SGCD: variants seen among roughly 807,000 people sequenced by gnomAD.
SGCD encodes the protein sarcoglycan delta.
SGCD carries 18 observed loss-of-function variants against 36.6 expected under a neutral mutation model. The ratio of observed to expected loss-of-function variants is 0.49; its 90% CI spans 0.34 to 0.73. SGCD has a LOEUF of 0.73. Among genes scored for constraint, SGCD ranks in the 30% least tolerant of loss-of-function variants. The probability of loss-of-function intolerance (pLI) is 0.01; values close to 1 mark genes in which losing one functional copy is unlikely to be tolerated. For synonymous variants in SGCD, 133 were observed against 130.6 expected, an observed-to-expected ratio of 1.02 and a Z score of -0.12; for missense variants, 387 against 346.7, an observed-to-expected ratio of 1.12 and a Z score of -0.92.
At chr5:156,515,231 T>C (rs532148621) in intron 4 of SGCD, among the ~76,000 whole-genome samples, 56 of 149,960 alleles carry the variant, frequency 3.7e-4, no homozygotes, top group South Asian at 1.1e-3. Context: ...TGAAAAAAAA[T>C]AGCTTCATGA....
rs1771353861 is a variant in SGCD, at chr5:156,387,850, C to A, written c.192+43173C>A. Among the ~76,000 whole-genome samples, 3 of 152,122 alleles carry A rather than the reference C, an allele frequency of 2.0e-5. No individual in the cohort carries two copies. In the South Asian group the frequency reaches 6.2e-4, roughly 32 times the overall value. Reference sequence around the variant, plus strand: ...CAAGACGGTGCAGGACATTAGTTTCCCTATGGCCACGTTCGTATTATAGCC... The same window carrying A: ...CAAGACGGTGCAGGACATTAGTTTCACTATGGCCACGTTCGTATTATAGCC... On this transcript the variant is annotated intron_variant, in intron 3 of 8. Coordinates refer to ENST00000337851, the MANE Select transcript of SGCD (RefSeq NM_000337.6).
intron 1 of SGCD, among the ~76,000 whole-genome samples, chr5:155,927,907 T>G (rs570903425): frequency 2.0e-5 from 3 of 152,326 alleles, no homozygotes; most frequent in African/African-American, 7.2e-5. Context: ...TTCTTAACAC[T>G]TTTTTGAATA....
At chr5:155,822,868 T>A in the SGCD span, among the ~76,000 whole-genome samples, 1 of 152,126 alleles carries the variant, frequency 6.6e-6, no homozygotes, top group African/African-American at 2.4e-5. Context: ...TTGCCTCTCA[T>A]TTTTTGTTTT....
At chr5:156,057,637 A>G (rs1240240244) in intron 1 of SGCD, among the ~76,000 whole-genome samples, 2 of 146,280 alleles carry the variant, frequency 1.4e-5, no homozygotes, top group African/African-American at 4.9e-5. Context: ...GCATGAACTG[A>G]AAGGGACCAT....
chr5:155,838,898 CTCAA>C, the SGCD span, among the ~76,000 whole-genome samples: 1 of 151,788 alleles, frequency 6.6e-6, no homozygotes, highest in African/African-American at 2.4e-5. Context: ...AGGCAGGCAT[CTCAA>C]TCAATCAGAG....
chr5:156,081,339 A>G (rs1467205512), intron 1 of SGCD, among the ~76,000 whole-genome samples: 1 of 152,120 alleles, frequency 6.6e-6, no homozygotes, highest in East Asian at 1.9e-4. Flanking sequence ...CCCACCTCCA[A>G]CACTGGGGAT....
chr5:156,575,595 A>G (rs1040919582), intron 4 of SGCD, among the ~76,000 whole-genome samples: 1 of 152,204 alleles, frequency 6.6e-6, no homozygotes, highest in Non-Finnish European at 1.5e-5. Flanking sequence ...CCATCCAACA[A>G]GTTCTATTGA....
intron 3 of SGCD, among the ~76,000 whole-genome samples, chr5:156,130,636 A>T (rs1441711047): frequency 6.6e-6 from 1 of 152,182 alleles, no homozygotes; most frequent in African/African-American, 2.4e-5. Context: ...GTGAGGAAAT[A>T]GTCTCTTGAA....
chr5:156,300,987 C>T (rs1767038869), intron 3 of SGCD, among the ~76,000 whole-genome samples: 1 of 151,944 alleles, frequency 6.6e-6, no homozygotes, highest in Non-Finnish European at 1.5e-5. Flanking sequence ...TGTTTTCAAT[C>T]TATGTGTGTC....
At chr5:155,879,907 T>C (rs1036721343) in intron 1 of SGCD, among the ~76,000 whole-genome samples, 2 of 152,178 alleles carry the variant, frequency 1.3e-5, no homozygotes, top group African/African-American at 4.8e-5. Context: ...CTTAGTATCT[T>C]ATGTTGTCCT....
chr5:155,927,305 A>G (rs1757012120), intron 1 of SGCD, among the ~76,000 whole-genome samples: 2 of 152,230 alleles, frequency 1.3e-5, no homozygotes, highest in South Asian at 2.1e-4. Context: ...GCTGAAATGC[A>G]TTGGAATGTG....
At chr5:156,036,278 A>C (rs1171583912) in intron 1 of SGCD, among the ~76,000 whole-genome samples, 2 of 152,206 alleles carry the variant, frequency 1.3e-5, no homozygotes, top group Non-Finnish European at 2.9e-5. Context: ...GCTAACACTT[A>C]AGATCCAAAC....
intron 3 of SGCD, among the ~76,000 whole-genome samples, chr5:156,139,440 C>G (rs1463871864): frequency 6.6e-6 from 1 of 152,122 alleles, no homozygotes; most frequent in African/African-American, 2.4e-5. Flanking sequence ...GGCTGTCTTT[C>G]TCTGGTAGGC....
intron 5 of SGCD, among the ~76,000 whole-genome samples, chr5:156,594,444 C>A (rs933569870): frequency 2.6e-5 from 4 of 152,132 alleles, no homozygotes; most frequent in African/African-American, 7.2e-5. Context: ...AAATAAATTT[C>A]TCTTGGTGTC....
At chr5:156,218,065 G>T (rs1764618639) in intron 3 of SGCD, among the ~76,000 whole-genome samples, 1 of 152,082 alleles carries the variant, frequency 6.6e-6, no homozygotes, top group Non-Finnish European at 1.5e-5. Context: ...TTTGAGGTCA[G>T]GAGTTTGAGA....
At chr5:156,283,107 A>G (rs1581216794) in intron 3 of SGCD, among the ~76,000 whole-genome samples, 2 of 152,278 alleles carry the variant, frequency 1.3e-5, no homozygotes, top group East Asian at 3.9e-4. Context: ...TTCCCCAGAG[A>G]ACTTCATATA....
chr5:156,658,585 T>G lies in SGCD; in HGVS notation c.575+11049T>G, dbSNP rs1435962444. Among the ~76,000 whole-genome samples, 29 of 79,756 alleles carry G rather than the reference T, an allele frequency of 3.6e-4. 1 individual carries two copies. The highest frequency in any genetic ancestry group is 6.0e-4 in the Non-Finnish European group (26 of 43,060). The allele number at this position is 79,756 out of a possible 152,430, so 52.3% of individuals were successfully genotyped here. On this transcript the variant is annotated intron_variant, in intron 7 of 8. Transcript: ENST00000337851. The stretch of plus-strand genomic sequence containing the variant: ...CAGAATCTCAAGGCAGAAGAATTTT[T>G]CTTAGCACATAACAAAATGGAGTCT...
chr5:156,720,255 AG>A (rs1187935596), intron 7 of SGCD, among the ~76,000 whole-genome samples: 10 of 152,226 alleles, frequency 6.6e-5, no homozygotes, highest in Non-Finnish European at 1.5e-4. Context: ...TAATAAGCAA[AG>A]GTCAGGCAGG....
intron 7 of SGCD, among the ~76,000 whole-genome samples, chr5:156,653,544 G>A (rs1364144027): frequency 2.4e-5 from 3 of 122,660 alleles, no homozygotes; most frequent in Non-Finnish European, 4.8e-5. Flanking sequence ...CCCGGACTGA[G>A]TCAGGGACCT....
Sources: allele counts gnomAD v4.1 joint callset (sites outside exome capture counted in the v4.1 genomes callset), GRCh38; gene constraint gnomAD v4.1.1; transcripts MANE v1.5; gene names NCBI Gene and HGNC (gene_info 2026-07-23, HGNC 2026-07-21).